The following SIGLEC6 variants were observed in gnomAD, a reference collection of about 807,000 sequenced individuals.
SIGLEC6 encodes the protein sialic acid-binding Ig-like lectin 6.
In SIGLEC6, 31 loss-of-function variants were observed where a neutral mutation model predicts 41.4. That is an observed-to-expected ratio of 0.75 (90% CI 0.56 to 1.01). The LOEUF (loss-of-function observed/expected upper bound fraction) is 1.01. Among genes scored for constraint, SIGLEC6 ranks in the 50% least tolerant of loss-of-function variants. SIGLEC6 has a pLI of 0.00. For missense variants in SIGLEC6, 555 were observed against 558.6 expected (o/e 0.99, Z 0.06); for synonymous variants, 217 against 231.0 (o/e 0.94, Z 0.55).
intron 5 of SIGLEC6, among the ~76,000 whole-genome samples, chr19:51,529,201 C>T (rs935482531): frequency 6.6e-6 from 1 of 152,150 alleles, no homozygotes; most frequent in Non-Finnish European, 1.5e-5. Flanking sequence ...AACTCTAACA[C>T]CATACATGAT....
chr19:51,522,084 A>G (rs1181382394), intron 7 of SIGLEC6, among the ~76,000 whole-genome samples: 2 of 152,280 alleles, frequency 1.3e-5, no homozygotes, highest in African/African-American at 4.8e-5. Context: ...AAAAATATGC[A>G]TAGAGGTCCC....
chr19:51,520,184 A>G lies in SIGLEC6; in HGVS notation c.1260T>C (p.Asp420=). 1 of 1,609,194 alleles carries G rather than the reference A, an allele frequency of 6.2e-7. No individual in the cohort carries two copies. The highest frequency in any genetic ancestry group is 8.5e-7 in the Non-Finnish European group (1 of 1,176,246). The change falls in exon 8 of 8, where the codon GAT becomes GAC. Residue 420 remains aspartate, a synonymous_variant. Transcript: ENST00000425629. The stretch of plus-strand genomic sequence containing the variant: ...GGACAGCGTAGTGGAGCTCCTGCTC[A>G]TCTTCTGAGATGGGGCCAGCCTCAG... ...HPAEAGPISE[D]EQELHYAVLH...
In SIGLEC6 at chr19:51,530,829, G is replaced by A. The variant is rs759176077; in HGVS notation, c.558C>T (p.Ala186=). The A allele has an allele frequency of 1.6e-5, 26 of 1,613,934 alleles. No homozygotes were observed. The South Asian group carries it at 2.6e-4, about 16-fold the overall frequency. ...TPPIFSWMSA[A]PTSLGPRTTQ... ...TGGTCCTGGGGCCCAGGGAGGTGGG[G>A]GCAGCTGACATCCAGGAGAAGATGG... Residue 186 remains alanine (A), a synonymous_variant, in exon 3 of 8, where the codon GCC becomes GCT. Coordinates refer to ENST00000425629, the MANE Select transcript of SIGLEC6 (RefSeq NM_001245.7).
At position 51,519,871 on chromosome 19, in the gene SIGLEC6, C is replaced by G; in HGVS notation, c.*211G>C. On this transcript the variant is annotated 3_prime_UTR_variant, in exon 8 of 8. Transcript: ENST00000425629. ...ACCATGTGAAGACACAAGGAGGAGA[C>G]AGCCATCTACAAGCCAACAAGAGAG... is the stretch of plus-strand genomic sequence containing the variant. The G allele has an allele frequency of 3.0e-6, 1 of 329,540 alleles. No individual in the cohort carries two copies. The highest frequency in any genetic ancestry group is 5.5e-6 in the Non-Finnish European group (1 of 180,224). 20.4% of individuals were successfully genotyped at this position (329,540 alleles called of 1,614,324 possible). A position where few individuals can be genotyped will look rare whatever the true frequency, so the allele number is the denominator to read the frequency against.
Position 51,523,101 on chromosome 19 carries a change from C to T in SIGLEC6, c.1189-2846G>A, listed in dbSNP as rs1978562930. 2.0e-5 allele frequency among the ~76,000 whole-genome samples: 3 copies of T among 151,914 alleles called. No individual in the cohort carries two copies. In the South Asian group the frequency reaches 6.2e-4, roughly 32 times the overall value. On this transcript the variant is annotated intron_variant, in intron 7 of 7. Coordinates refer to ENST00000425629, the MANE Select transcript of SIGLEC6 (RefSeq NM_001245.7). ...ACTGCAGTGAGCCATGTTCATGCCA[C>T]TGCACTCCAGCCTGGGCGACAGAGT...
At position 51,518,434 on chromosome 19, in the gene SIGLEC6, G is replaced by A. The variant is rs949356898; in HGVS notation, c.*1648C>T. 1.3e-5 allele frequency among the ~76,000 whole-genome samples: 2 copies of A among 152,178 alleles called. No homozygotes were observed. The highest frequency in any genetic ancestry group is 4.8e-5 in the African/African-American group (2 of 41,440). On this transcript the variant is annotated 3_prime_UTR_variant, in exon 8 of 8. Transcript: ENST00000425629. ...AGCTCACTTCAACCTCCACCTCCCA[G>A]GTTCAAGCAATTCTCCTGCTTCAAC...
In SIGLEC6 at chr19:51,530,673, G is replaced by A. The variant is rs772395731; in HGVS notation, c.706+8C>T. On this transcript the variant is annotated splice_region_variant and intron_variant, in intron 3 of 7. Coordinates refer to ENST00000425629, the MANE Select transcript of SIGLEC6 (RefSeq NM_001245.7). ...TCAGGGACCCGGGCGTCCTGGCCCA[G>A]CACTCACAGGAGACATTGAGCTGGA... The A allele has an allele frequency of 6.2e-6, 10 of 1,612,948 alleles. No individual in the cohort carries two copies. The highest frequency in any genetic ancestry group is 7.6e-6 in the Non-Finnish European group (9 of 1,179,640).
intron 7 of SIGLEC6, among the ~76,000 whole-genome samples, chr19:51,525,241 C>A (rs1281219377): frequency 3.3e-5 from 5 of 152,174 alleles, no homozygotes; most frequent in African/African-American, 1.2e-4. Flanking sequence ...CACCTCACCC[C>A]TGCCTGAGCA....
At chr19:51,520,401 T>C in intron 7 of SIGLEC6, 146 bp from the exon 8 acceptor site, 2 of 431,588 alleles carry the variant, frequency 4.6e-6, no homozygotes, top group Admixed American at 4.5e-5. Context: ...TATTTTATTT[T>C]ATTTTTGAGA....
At chr19:51,521,123 G>C (rs1022958597) in intron 7 of SIGLEC6, among the ~76,000 whole-genome samples, 1 of 152,180 alleles carries the variant, frequency 6.6e-6, no homozygotes, top group Non-Finnish European at 1.5e-5. Flanking sequence ...CAGAGACCGG[G>C]TCCTGCAGTA....
chr19:51,531,308 G>C lies in SIGLEC6; in HGVS notation c.279C>G (p.Phe93Leu). Residue 93 changes from phenylalanine (F) to leucine (L), a missense_variant, in exon 2 of 8, where the codon TTC becomes TTG. Coordinates refer to ENST00000425629, the MANE Select transcript of SIGLEC6 (RefSeq NM_001245.7). The part of the protein sequence containing the change: ...EEVQEETRGR[F>L]HLLWDPRRKN... ...TCCTTCTGGGATCCCAGAGGAGGTG[G>C]AATCGGCCCCGGGTCTCCTCCTGCA... 6.2e-7 allele frequency: 1 copy of C among 1,614,162 alleles called. No homozygotes were observed. The highest frequency in any genetic ancestry group is 8.5e-7 in the Non-Finnish European group (1 of 1,180,008).
At chr19:51,520,849 A>C (rs894613182) in intron 7 of SIGLEC6, among the ~76,000 whole-genome samples, 3 of 152,196 alleles carry the variant, frequency 2.0e-5, no homozygotes, top group Admixed American at 2.0e-4. Context: ...TTGCCTATAG[A>C]CACACATCTA....
In SIGLEC6 at chr19:51,522,962, C is replaced by T. The variant is rs112640592; in HGVS notation, c.1189-2707G>A. Among the ~76,000 whole-genome samples the T allele has an allele frequency of 3.9e-5, 6 of 152,174 alleles. 1 individual carries two copies. Among genetic ancestry groups the T allele is most frequent in the African/African-American group, 1.2e-4 (5 of 41,526 alleles). ...ACCAGCCTGGGCAACATGGTGAGAC[C>T]CTGTCTTTACAAAAATTTGTTTAAA... is the stretch of plus-strand genomic sequence containing the variant. On this transcript the variant is annotated intron_variant, in intron 7 of 7. Coordinates refer to ENST00000425629, the MANE Select transcript of SIGLEC6 (RefSeq NM_001245.7).
chr19:51,520,674 C>T (rs181648839), intron 7 of SIGLEC6, among the ~76,000 whole-genome samples: 9 of 152,266 alleles, frequency 5.9e-5, no homozygotes, highest in Non-Finnish European at 1.3e-4. Flanking sequence ...CCACATCCAC[C>T]GCATTCATTT....
rs751941243 is a variant in SIGLEC6, at chr19:51,528,194, T to C, written c.1072A>G (p.Thr358Ala). 3 of 1,614,048 alleles carry C rather than the reference T, an allele frequency of 1.9e-6. No homozygotes were observed. Among genetic ancestry groups the C allele is most frequent in the Non-Finnish European group, 2.5e-6 (3 of 1,179,994 alleles). Residue 358 changes from threonine (T) to alanine (A), a missense_variant, in exon 6 of 8, where the codon ACC becomes GCC. Coordinates refer to ENST00000425629, the MANE Select transcript of SIGLEC6 (RefSeq NM_001245.7). ...AAGCAAACACAGAGGAAAACCAGGG[T>C]TGTGATGCTAGCTCCCCAGACTGCT... is the stretch of plus-strand genomic sequence containing the variant. Reference protein sequence around the residue: ...LGAVWGASITTLVFLCVCFIF... With the variant: ...LGAVWGASITALVFLCVCFIF...
At chr19:51,523,001 G>A (rs748756914) in intron 7 of SIGLEC6, among the ~76,000 whole-genome samples, 6 of 152,002 alleles carry the variant, frequency 3.9e-5, no homozygotes, top group Non-Finnish European at 7.4e-5. Flanking sequence ...TTAGCCAGGC[G>A]CAGTGGTGCA....
chr19:51,531,222 C>T lies in SIGLEC6; in HGVS notation c.365G>A (p.Arg122Gln), dbSNP rs1355405103. ...GTATTTCATCCATTTGGACTTCAAC[C>T]GAAAGAAGTATGCAGCATTGTCCCT... The part of the protein sequence containing the change: ...RRRDNAAYFF[R>Q]LKSKWMKYGY... The change falls in exon 2 of 8, where the codon CGG becomes CAG. Residue 122 changes from arginine to glutamine, a missense_variant. Physicochemically the swap from Arg to Gln is conservative, Grantham distance 43. Transcript: ENST00000425629. 1.9e-6 allele frequency: 3 copies of T among 1,612,580 alleles called. No individual in the cohort carries two copies. Among genetic ancestry groups the T allele is most frequent in the Non-Finnish European group, 1.7e-6 (2 of 1,179,124 alleles).
chr19:51,525,714 G>A (rs565985514), intron 7 of SIGLEC6, among the ~76,000 whole-genome samples: 222 of 151,310 alleles, frequency 1.5e-3, no homozygotes, highest in African/African-American at 5.2e-3. Flanking sequence ...GCCCAGTCTC[G>A]CTTCCCTGTG....
chr19:51,521,076 G>T (rs573927932), intron 7 of SIGLEC6, among the ~76,000 whole-genome samples: 1 of 152,256 alleles, frequency 6.6e-6, no homozygotes, highest in Admixed American at 6.5e-5. Context: ...GGCAGGAGTG[G>T]CATATCTGAT....
Sources: allele counts gnomAD v4.1 joint callset (sites outside exome capture counted in the v4.1 genomes callset), GRCh38; gene constraint gnomAD v4.1.1; transcripts MANE v1.5; gene names NCBI Gene and HGNC (gene_info 2026-07-23, HGNC 2026-07-21).